The following ADHFE1 variants were observed in gnomAD, a reference collection of about 807,000 sequenced individuals.
ADHFE1 encodes hydroxyacid-oxoacid transhydrogenase, mitochondrial.
A neutral mutation model predicts 54.8 loss-of-function variants in ADHFE1; 37 were observed. That is an observed-to-expected ratio of 0.68 (90% confidence interval 0.52 to 0.89). The LOEUF is 0.89. ADHFE1 is among the 40% of genes least tolerant of loss of function. The pLI, the probability that ADHFE1 is intolerant of heterozygous loss-of-function variation, is 0.00. For synonymous variants in ADHFE1, 203 were observed against 229.3 expected, an observed-to-expected ratio of 0.89 and a Z score of 1.04; for missense variants, 601 against 591.2, an observed-to-expected ratio of 1.02 and a Z score of -0.17.
At chr8:66,453,221 G>A (rs572388110) in intron 9 of ADHFE1, among the ~76,000 whole-genome samples, 3 of 152,300 alleles carry the variant, frequency 2.0e-5, no homozygotes, top group African/African-American at 4.8e-5. Flanking sequence ...CTGCTACTTC[G>A]CCTTGTCACT....
intron 11 of ADHFE1, 49 bp downstream of exon 11, chr8:66,456,944 AT>A: frequency 6.9e-7 from 1 of 1,450,584 alleles, no homozygotes; most frequent in Non-Finnish European, 9.2e-7. Context: ...AATCATCCCA[AT>A]TTCCATAAAT....
chr8:66,448,170 C>G (rs574692134), intron 7 of ADHFE1, among the ~76,000 whole-genome samples: 1 of 152,322 alleles, frequency 6.6e-6, no homozygotes, highest in South Asian at 2.1e-4. Flanking sequence ...AGAAATGTCT[C>G]TCTTTTTAGT....
At chr8:66,444,255 T>C (rs1410116713) in intron 3 of ADHFE1, 112 bp from the exon 4 acceptor site, 2 of 942,070 alleles carry the variant, frequency 2.1e-6, no homozygotes, top group Non-Finnish European at 3.3e-6. Flanking sequence ...AAGACCATGC[T>C]AAGGAGTGTA....
chr8:66,432,734 A>T (rs548904103), intron 1 of ADHFE1, 159 bp downstream of exon 1: 2 of 1,232,680 alleles, frequency 1.6e-6, no homozygotes, highest in Non-Finnish European at 2.0e-6. Context: ...CAGGCGGAAC[A>T]GCGAGGTCAC....
intron 2 of ADHFE1, among the ~76,000 whole-genome samples, chr8:66,440,830 G>A (rs1052844706): frequency 5.3e-5 from 8 of 152,118 alleles, no homozygotes; most frequent in Admixed American, 5.2e-4. Context: ...TCTCTTCTAA[G>A]GTCAGATCTA....
chr8:66,435,288 C>T (rs138746926), intron 1 of ADHFE1, among the ~76,000 whole-genome samples: 1 of 152,286 alleles, frequency 6.6e-6, no homozygotes, highest in African/African-American at 2.4e-5. Context: ...CTTAACAGTT[C>T]CAGAGGTCAA....
rs927621237 is a variant in ADHFE1 at position 66,459,401 on chromosome 8, T to A, written c.1163-907T>A. 15 of 142,626 alleles carry A rather than the reference T, an allele frequency of 1.1e-4. No homozygotes were observed. The South Asian group carries it at 1.1e-3, about 10-fold the overall frequency. 8.8% of individuals were successfully genotyped at this position (142,626 alleles called of 1,614,324 possible). ...TTCCATGATTATGTGCATTATTTTTTAATTTTTATTATATATATATATATA... is the reference window on the plus strand; with the variant it reads ...TTCCATGATTATGTGCATTATTTTTAAATTTTTATTATATATATATATATA... On this transcript the variant is annotated intron_variant, in intron 12 of 13. Coordinates refer to ENST00000396623, the MANE Select transcript of ADHFE1 (RefSeq NM_144650.3).
intron 6 of ADHFE1, 26 bp downstream of exon 6, chr8:66,445,440 G>T: frequency 6.4e-7 from 1 of 1,571,344 alleles, no homozygotes. Context: ...TTCTTTGTTT[G>T]TTTTATTTTG....
At chr8:66,434,944 A>G (rs1045153214) in intron 1 of ADHFE1, among the ~76,000 whole-genome samples, 1 of 149,696 alleles carries the variant, frequency 6.7e-6, no homozygotes, top group African/African-American at 2.5e-5. Context: ...AGGCCACTTC[A>G]CTCCAGCCTG....
intron 3 of ADHFE1, 79 bp downstream of exon 3, chr8:66,442,923 T>A: frequency 8.4e-7 from 1 of 1,186,500 alleles, no homozygotes; most frequent in Non-Finnish European, 1.2e-6. Context: ...AATGAATTAT[T>A]ATTTTATTTT....
At chr8:66,436,581 C>T (rs10957374) in intron 1 of ADHFE1, among the ~76,000 whole-genome samples, 81,391 of 151,708 alleles carry the variant, frequency 0.54, 23,107 homozygotes, top group African/African-American at 0.73. Flanking sequence ...AGCTCAGTCT[C>T]CCATAGGGAA....
intron 10 of ADHFE1, 53 bp from the exon 11 acceptor site, chr8:66,456,764 G>T: frequency 1.4e-6 from 2 of 1,381,992 alleles, no homozygotes; most frequent in South Asian, 2.4e-5. Flanking sequence ...TTCTATTGTT[G>T]ACTTGAATTT....
chr8:66,468,237 C>T, intron 13 of ADHFE1, 32 bp from the exon 14 acceptor site: 2 of 1,565,256 alleles, frequency 1.3e-6, no homozygotes, highest in Non-Finnish European at 8.7e-7. Flanking sequence ...CTTTTCAAAG[C>T]CCTGGGTAAC....
rs756873167 is a variant in ADHFE1, at chr8:66,457,149, A to G, written c.1145A>G (p.Glu382Gly). The G allele has an allele frequency of 2.5e-6, 4 of 1,613,360 alleles. No individual in the cohort carries two copies. The Admixed American group carries it at 5.0e-5, about 20-fold the overall frequency. The change falls in exon 12 of 14, where the codon GAG (glutamate) becomes GGG (glycine). Residue 382 changes from glutamate (E) to glycine (G), a missense_variant. Glu to Gly is a moderately conservative substitution (Grantham distance 98). Coordinates refer to ENST00000396623, the MANE Select transcript of ADHFE1 (RefSeq NM_144650.3). ...TAQMFPERHL[E>G]MAEILGADTR... ...CAGATGTTTCCAGAGCGACACCTGG[A>G]GATGGCAGAAATACTGGGTATGAAC...
rs1806842876 is a variant in ADHFE1 at position 66,460,560 on chromosome 8, C to T, written c.1320+95C>T. 2.1e-6 allele frequency: 3 copies of T among 1,450,148 alleles called. No homozygotes were observed. In the African/African-American group the frequency reaches 4.3e-5, roughly 21 times the overall value. The allele number at this position is 1,450,148 out of a possible 1,614,324, so 89.8% of individuals were successfully genotyped here. On this transcript the variant is annotated intron_variant, in intron 13 of 13. Transcript: ENST00000396623. ...ATGGCGGGCTAGCAGGGATGGAAAC[C>T]AGGGCTCCCCGGTGGTTCTCGGGTC... is the stretch of plus-strand genomic sequence containing the variant.
chr8:66,442,780 T>C lies in ADHFE1; in HGVS notation c.98-18T>C, dbSNP rs1457524137. 1 of 1,596,396 alleles carries C rather than the reference T, an allele frequency of 6.3e-7. No individual in the cohort carries two copies. The highest frequency in any genetic ancestry group is 1.8e-5 in the Admixed American group (1 of 55,274). Reference sequence around the variant, plus strand: ...TTTTTTTAAAGACCCACTTTGATGCTAACTTTTACATTTCTAGCCCCTGGA... The same window carrying C: ...TTTTTTTAAAGACCCACTTTGATGCCAACTTTTACATTTCTAGCCCCTGGA... On this transcript the variant is annotated intron_variant, in intron 2 of 13. Coordinates refer to ENST00000396623, the MANE Select transcript of ADHFE1 (RefSeq NM_144650.3).
intron 1 of ADHFE1, 193 bp downstream of exon 1, chr8:66,432,768 G>A: frequency 8.1e-7 from 1 of 1,230,266 alleles, no homozygotes; most frequent in Non-Finnish European, 1.0e-6. Flanking sequence ...CAGCCTCTCA[G>A]GGCGCAGTGA....
Position 66,432,513 on chromosome 8 carries a change from C to G in ADHFE1, c.-4C>G. On this transcript the variant is annotated 5_prime_UTR_variant, in exon 1 of 14. Transcript: ENST00000396623. ...CCCGAGGAGGGAAGAGGACTCCAAGCGCCATGGCCGCTGCCGCCCGAGCCC... is the reference window on the plus strand; with the variant it reads ...CCCGAGGAGGGAAGAGGACTCCAAGGGCCATGGCCGCTGCCGCCCGAGCCC... 4 of 1,370,286 alleles carry G rather than the reference C, an allele frequency of 2.9e-6. No individual in the cohort carries two copies. The highest frequency in any genetic ancestry group is 3.8e-6 in the Non-Finnish European group (4 of 1,051,534). The allele number at this position is 1,370,286 out of a possible 1,614,324, so 84.9% of individuals were successfully genotyped here. A position where few individuals can be genotyped will look rare whatever the true frequency, so the allele number is the denominator to read the frequency against.
At position 66,445,032 on chromosome 8, in the gene ADHFE1, CAT is replaced by C. The variant is rs546820045; in HGVS notation, c.354-184_354-183del. Among the ~76,000 whole-genome samples the C allele has an allele frequency of 1.8e-4, 28 of 152,058 alleles. No homozygotes were observed. In the East Asian group the frequency reaches 3.3e-3, roughly 18 times the overall value. ...GGGAGAATCGCTTGAACCCAAGAGACATAGGTTGCAGTGAGCGGAGATCGTGC... is the reference window on the plus strand; with the variant it reads ...GGGAGAATCGCTTGAACCCAAGAGACAGGTTGCAGTGAGCGGAGATCGTGC... On this transcript the variant is annotated intron_variant, in intron 5 of 13. Coordinates refer to ENST00000396623, the MANE Select transcript of ADHFE1 (RefSeq NM_144650.3).
Sources: allele counts gnomAD v4.1 joint callset (sites outside exome capture counted in the v4.1 genomes callset), GRCh38; gene constraint gnomAD v4.1.1; transcripts MANE v1.5; gene names NCBI Gene and HGNC (gene_info 2026-07-23, HGNC 2026-07-21).